Variants in ERBB4 observed in about 807,000 individuals in gnomAD.
The protein encoded by ERBB4 is receptor tyrosine-protein kinase erbB-4.
Under a neutral mutation model 158.0 loss-of-function variants are expected in ERBB4, and 42 were observed. The ratio of observed to expected loss-of-function variants is 0.27; its 90% confidence interval spans 0.21 to 0.34. The LOEUF is 0.34. Among genes scored for constraint, ERBB4 ranks in the 10% least tolerant of loss-of-function variants. The pLI, the probability that ERBB4 is intolerant of heterozygous loss-of-function variation, is 1.00. For synonymous variants in ERBB4, 583 were observed against 558.7 expected, an observed-to-expected ratio of 1.04 and a Z score of -0.61; for missense variants, 1,333 against 1,624.1, an observed-to-expected ratio of 0.82 and a Z score of 3.08.
At chr2:212,255,203 A>G (rs1190225093) in intron 1 of ERBB4, among the ~76,000 whole-genome samples, 1 of 152,194 alleles carries the variant, frequency 6.6e-6, no homozygotes, top group Non-Finnish European at 1.5e-5. Flanking sequence ...GGAAAAAATA[A>G]GAATAATATT....
At chr2:212,381,721 C>A (rs1259986689) in intron 1 of ERBB4, among the ~76,000 whole-genome samples, 1 of 151,218 alleles carries the variant, frequency 6.6e-6, no homozygotes, top group African/African-American at 2.4e-5. Flanking sequence ...CTAGGCATCA[C>A]TTAAAATTAA....
At chr2:211,935,367 C>T (rs1416195149) in intron 3 of ERBB4, among the ~76,000 whole-genome samples, 2 of 152,070 alleles carry the variant, frequency 1.3e-5, no homozygotes, top group Non-Finnish European at 2.9e-5. Flanking sequence ...GATATGCTCT[C>T]AATGCGGGTG....
chr2:212,036,541 T>C (rs1032059804), intron 2 of ERBB4, among the ~76,000 whole-genome samples: 4 of 151,870 alleles, frequency 2.6e-5, no homozygotes, highest in African/African-American at 9.7e-5. Flanking sequence ...CTGGGCTCAC[T>C]GCAAGCTCCA....
intron 2 of ERBB4, among the ~76,000 whole-genome samples, chr2:211,998,013 C>T (rs1325849574): frequency 6.6e-6 from 1 of 151,480 alleles, no homozygotes; most frequent in Non-Finnish European, 1.5e-5. Context: ...TATTAGAAAT[C>T]ATCCCACAAC....
chr2:211,991,713 AT>A (rs1253769956), intron 2 of ERBB4, among the ~76,000 whole-genome samples: 1 of 152,166 alleles, frequency 6.6e-6, no homozygotes, highest in Admixed American at 6.6e-5. Context: ...GGCTTATCCC[AT>A]TGTTTGAATA....
chr2:211,887,687 G>A (rs753153952), intron 3 of ERBB4, among the ~76,000 whole-genome samples: 3 of 152,070 alleles, frequency 2.0e-5, no homozygotes, highest in Non-Finnish European at 4.4e-5. Flanking sequence ...TATTCCTCCA[G>A]TGTTGTTTTT....
At chr2:211,951,715 T>C (rs2080880515) in intron 2 of ERBB4, among the ~76,000 whole-genome samples, 1 of 152,132 alleles carries the variant, frequency 6.6e-6, no homozygotes, top group African/African-American at 2.4e-5. Context: ...CTGTTATAAC[T>C]GAGGTTCTAG....
intron 1 of ERBB4, among the ~76,000 whole-genome samples, chr2:212,208,381 C>G (rs1015009084): frequency 8.6e-5 from 13 of 151,934 alleles, no homozygotes; most frequent in African/African-American, 2.9e-4. Flanking sequence ...GTATATAATA[C>G]TATACCATAT....
intron 1 of ERBB4, among the ~76,000 whole-genome samples, chr2:212,206,605 T>TTTTTTTTTTTTTTTTTTTTTG (rs2082759821): frequency 7.4e-6 from 1 of 134,238 alleles, no homozygotes; most frequent in African/African-American, 2.6e-5. Context: ...TTTTTTTTTT[T>TTTTTTTTTTTTTTTTTTTTTG]GAGACGGAGT....
intron 1 of ERBB4, among the ~76,000 whole-genome samples, chr2:212,508,213 A>G (rs774019570): frequency 1.3e-5 from 2 of 152,220 alleles, no homozygotes; most frequent in Non-Finnish European, 2.9e-5. Context: ...TAGTAGAAAC[A>G]TAACTTTTAT....
intron 2 of ERBB4, among the ~76,000 whole-genome samples, chr2:212,044,289 T>C (rs976749331): frequency 2.0e-5 from 3 of 152,162 alleles, no homozygotes; most frequent in Admixed American, 2.0e-4. Flanking sequence ...TAAATTTTAA[T>C]TTCAGAATCA....
chr2:211,697,206 C>T (rs931623873), intron 12 of ERBB4, among the ~76,000 whole-genome samples: 2 of 152,150 alleles, frequency 1.3e-5, no homozygotes, highest in Non-Finnish European at 2.9e-5. Flanking sequence ...AGTCTGGCAC[C>T]TTTTAGCTGA....
chr2:211,884,822 T>C (rs1039783015), intron 3 of ERBB4, among the ~76,000 whole-genome samples: 1 of 152,202 alleles, frequency 6.6e-6, no homozygotes, highest in African/African-American at 2.4e-5. Context: ...AAATTAACCA[T>C]AACATTGTAT....
chr2:211,552,057 G>A (rs2067111961), intron 20 of ERBB4, among the ~76,000 whole-genome samples: 1 of 152,022 alleles, frequency 6.6e-6, no homozygotes, highest in South Asian at 2.1e-4. Context: ...TCTCCCATTT[G>A]CCCCTTCCAC....
At chr2:211,485,754 T>C (rs1224715243) in intron 20 of ERBB4, among the ~76,000 whole-genome samples, 1 of 151,650 alleles carries the variant, frequency 6.6e-6, no homozygotes, top group African/African-American at 2.4e-5. Context: ...ATATACCTAA[T>C]GTTAAATGAC....
intron 19 of ERBB4, among the ~76,000 whole-genome samples, chr2:211,591,313 T>G (rs1039527561): frequency 6.6e-6 from 1 of 152,184 alleles, no homozygotes; most frequent in Admixed American, 6.5e-5. Context: ...GGGGAGGACA[T>G]TCTAGTTTAA....
At chr2:211,484,681 A>G (rs1301324200) in intron 20 of ERBB4, among the ~76,000 whole-genome samples, 1 of 152,240 alleles carries the variant, frequency 6.6e-6, no homozygotes, top group African/African-American at 2.4e-5. Context: ...ATATTTATAT[A>G]AGCAATAACA....
intron 2 of ERBB4, among the ~76,000 whole-genome samples, chr2:212,086,646 T>A (rs538632226): frequency 6.6e-6 from 1 of 152,042 alleles, no homozygotes; most frequent in African/African-American, 2.4e-5. Context: ...TAAGAATAAT[T>A]TGGGTATATT....
rs13383305 is a variant in ERBB4, at chr2:211,834,290, T to C, written c.422-46131A>G. On this transcript the variant is annotated intron_variant, in intron 3 of 27. Coordinates refer to ENST00000342788, the MANE Select transcript of ERBB4 (RefSeq NM_005235.3). ...TGGAGGCAGTGCAGGAGAATTCTAG[T>C]CCCCTGGAAAGGCAGGTGGCAAAGT... Among the ~76,000 whole-genome samples, 974 of 152,098 alleles carry C rather than the reference T, an allele frequency of 6.4e-3. 8 individuals are homozygous for C. The highest frequency in any genetic ancestry group is 0.022 in the African/African-American group (933 of 41,500).
Sources: allele counts gnomAD v4.1 joint callset (sites outside exome capture counted in the v4.1 genomes callset), GRCh38; gene constraint gnomAD v4.1.1; transcripts MANE v1.5; gene names NCBI Gene and HGNC (gene_info 2026-07-23, HGNC 2026-07-21).